ELMO1: variants seen among roughly 807,000 people sequenced by gnomAD.
ELMO1 encodes engulfment and cell motility 1.
ELMO1 carries 26 observed loss-of-function variants against 98.9 expected under a neutral mutation model. That is an observed-to-expected ratio of 0.26 (90% CI 0.19 to 0.36). The LOEUF is 0.36. Among genes scored for constraint, ELMO1 ranks in the 10% least tolerant of loss-of-function variants. The pLI is 1.00. For synonymous variants in ELMO1, 346 were observed against 346.0 expected (o/e 1.00, Z 0.00); for missense variants, 627 against 935.2 (o/e 0.67, Z 4.30).
chr7:37,082,882 C>T (rs1256680114), intron 15 of ELMO1, among the ~76,000 whole-genome samples: 1 of 152,198 alleles, frequency 6.6e-6, no homozygotes, highest in Non-Finnish European at 1.5e-5. Flanking sequence ...GGCCTGTGGG[C>T]ATTTCCATAA....
chr7:37,015,087 T>C (rs1793838966), intron 15 of ELMO1, among the ~76,000 whole-genome samples: 1 of 152,160 alleles, frequency 6.6e-6, no homozygotes, highest in African/African-American at 2.4e-5. Context: ...TGGTGTTTAT[T>C]TGCACAGCTC....
At chr7:37,096,809 A>G in intron 14 of ELMO1, 82 bp from the exon 15 acceptor site, 1 of 1,246,718 alleles carries the variant, frequency 8.0e-7, no homozygotes, top group Non-Finnish European at 1.2e-6. Context: ...CCAATAGATG[A>G]ATACATAGAT....
chr7:36,885,960 G>A (rs1210412516), intron 18 of ELMO1, among the ~76,000 whole-genome samples: 1 of 152,150 alleles, frequency 6.6e-6, no homozygotes, highest in Non-Finnish European at 1.5e-5. Flanking sequence ...TCCCCATTTC[G>A]GATGGGGAAA....
chr7:37,385,879 G>A (rs1378054631), intron 1 of ELMO1, among the ~76,000 whole-genome samples: 1 of 152,232 alleles, frequency 6.6e-6, no homozygotes, highest in Non-Finnish European at 1.5e-5. Flanking sequence ...AACTACCAGT[G>A]CCAGGCCCAG....
At chr7:37,063,940 T>C (rs1025639590) in intron 15 of ELMO1, among the ~76,000 whole-genome samples, 14 of 152,158 alleles carry the variant, frequency 9.2e-5, no homozygotes, top group Admixed American at 5.9e-4. Context: ...CCACGGTCCA[T>C]TATTACAATC....
intron 15 of ELMO1, among the ~76,000 whole-genome samples, chr7:37,048,166 G>GT (rs1795906126): frequency 6.6e-6 from 1 of 152,172 alleles, no homozygotes; most frequent in South Asian, 2.1e-4. Flanking sequence ...ATTGAAGGGT[G>GT]TTTAGCAGCA....
rs1205503605 is a variant in ELMO1 at position 37,376,784 on chromosome 7, C to G, written c.-73-34021G>C. Among the ~76,000 whole-genome samples the G allele has an allele frequency of 3.3e-5, 5 of 152,220 alleles. No individual in the cohort carries two copies. The South Asian group carries it at 8.3e-4, about 25-fold the overall frequency. On this transcript the variant is annotated intron_variant, in intron 1 of 21. Coordinates refer to ENST00000310758, the MANE Select transcript of ELMO1 (RefSeq NM_014800.11). Reference sequence around the variant, plus strand: ...GCTCGGCTGCCTTGTGATAACTAAACTCATTCCCTATTTCAACACCACCGT... The same window carrying G: ...GCTCGGCTGCCTTGTGATAACTAAAGTCATTCCCTATTTCAACACCACCGT...
chr7:37,447,638 A>AC (rs148859083), intron 1 of ELMO1, among the ~76,000 whole-genome samples: 2,472 of 130,268 alleles, frequency 0.019, 40 homozygotes, highest in Non-Finnish European at 0.031. Flanking sequence ...CACCCACAAC[A>AC]CCCCCCCCAC....
chr7:36,952,884 G>A (rs575506581), intron 16 of ELMO1, among the ~76,000 whole-genome samples: 27 of 151,572 alleles, frequency 1.8e-4, no homozygotes, highest in African/African-American at 6.5e-4. Flanking sequence ...CATTTCTTAG[G>A]TGACCCACTG....
At chr7:37,287,449 A>T (rs1003438945) in intron 4 of ELMO1, among the ~76,000 whole-genome samples, 4 of 152,166 alleles carry the variant, frequency 2.6e-5, no homozygotes, top group African/African-American at 9.7e-5. Context: ...AAATAACAAG[A>T]TCTGTTGTAA....
intron 2 of ELMO1, among the ~76,000 whole-genome samples, chr7:37,332,252 G>A (rs1386398238): frequency 6.6e-6 from 1 of 152,202 alleles, no homozygotes; most frequent in Non-Finnish European, 1.5e-5. Flanking sequence ...GTGCAAACAA[G>A]GCAAAGAATG....
chr7:37,331,827 C>G (rs1263106065), intron 2 of ELMO1, among the ~76,000 whole-genome samples: 3 of 152,042 alleles, frequency 2.0e-5, no homozygotes, highest in Non-Finnish European at 4.4e-5. Flanking sequence ...CTTGAGCAAA[C>G]TGGGTGTAGT....
intron 1 of ELMO1, among the ~76,000 whole-genome samples, chr7:37,407,248 G>A (rs7783630): frequency 0.23 from 35,222 of 151,850 alleles, 4,312 homozygotes; most frequent in East Asian, 0.41. Flanking sequence ...GGTGGCTCAC[G>A]TCTGTAATCC....
At chr7:36,904,816 G>C (rs1196851672) in intron 16 of ELMO1, among the ~76,000 whole-genome samples, 1 of 152,182 alleles carries the variant, frequency 6.6e-6, no homozygotes, top group Non-Finnish European at 1.5e-5. Context: ...TTTGCAGTCT[G>C]CTCTTGAGAT....
intron 16 of ELMO1, among the ~76,000 whole-genome samples, chr7:37,010,167 C>G (rs1793445835): frequency 6.6e-6 from 1 of 152,160 alleles, no homozygotes; most frequent in Admixed American, 6.5e-5. Context: ...AACTCTGTGA[C>G]AGGTATCATG....
intron 1 of ELMO1, among the ~76,000 whole-genome samples, chr7:37,364,277 G>A (rs949566981): frequency 2.0e-5 from 3 of 152,168 alleles, no homozygotes; most frequent in African/African-American, 7.2e-5. Flanking sequence ...AGAGACACAG[G>A]GGACCCTCCC....
chr7:37,436,810 G>T (rs2131578995), intron 1 of ELMO1, among the ~76,000 whole-genome samples: 1 of 152,336 alleles, frequency 6.6e-6, no homozygotes, highest in Admixed American at 6.5e-5. Context: ...ACTGCACTTG[G>T]AAAGTGAAAG....
At chr7:37,188,775 G>T (rs990645098) in intron 13 of ELMO1, among the ~76,000 whole-genome samples, 1 of 152,052 alleles carries the variant, frequency 6.6e-6, no homozygotes, top group Non-Finnish European at 1.5e-5. Context: ...ACAACCCAAC[G>T]ACCACTAAAT....
At chr7:37,002,496 T>C (rs998146583) in intron 16 of ELMO1, among the ~76,000 whole-genome samples, 3 of 152,196 alleles carry the variant, frequency 2.0e-5, no homozygotes, top group Admixed American at 6.5e-5. Flanking sequence ...CATGTGGTGA[T>C]TGTACCGACT....
Sources: gnomAD v4.1 joint callset for allele counts (sites outside exome capture counted in the v4.1 genomes callset) on GRCh38, gnomAD v4.1.1 for gene constraint, MANE v1.5 for transcripts, NCBI Gene and HGNC (gene_info 2026-07-23, HGNC 2026-07-21) for gene names.